ERMN: variants seen among roughly 807,000 people sequenced by gnomAD.
ERMN encodes the protein ermin.
ERMN carries 17 observed loss-of-function variants against 21.4 expected under a neutral mutation model. The observed-to-expected ratio is 0.80, with a 90% CI of 0.54 to 1.19. The LOEUF (loss-of-function observed/expected upper bound fraction) is 1.19, where lower values mean the gene tolerates loss of function less well. Ranked by LOEUF, ERMN falls within the 50% of genes most tolerant of loss-of-function variation. The pLI, the probability that ERMN is intolerant of heterozygous loss-of-function variation, is 0.00. For missense variants in ERMN, 348 were observed against 331.6 expected (o/e 1.05, Z -0.38); for synonymous variants, 115 against 111.9 (o/e 1.03, Z -0.17).
chr2:157,319,090 T>C lies in ERMN; in HGVS notation c.*2181A>G, dbSNP rs1683799427. 6.6e-6 allele frequency: 1 copy of C among 152,024 alleles called. No homozygotes were observed. The highest frequency in any genetic ancestry group is 1.5e-5 in the Non-Finnish European group (1 of 67,928). 9.4% of individuals were successfully genotyped at this position (152,024 alleles called of 1,614,324 possible). A position where few individuals can be genotyped will look rare whatever the true frequency, so the allele number is the denominator to read the frequency against. ...TGTTACCTGAGGTCACTTAACTCTG[T>C]GGCTTTCAACTCTGTGGCTTTCAAC... On this transcript the variant is annotated 3_prime_UTR_variant, in exon 3 of 3. Coordinates refer to ENST00000410096, the MANE Select transcript of ERMN (RefSeq NM_020711.3).
rs779979312 is a variant in ERMN, at chr2:157,319,238, A to G, written c.*2033T>C. The G allele has an allele frequency of 6.6e-6, 1 of 152,204 alleles. No individual in the cohort carries two copies. Among genetic ancestry groups the G allele is most frequent in the Non-Finnish European group, 1.5e-5 (1 of 68,026 alleles). The allele number at this position is 152,204 out of a possible 1,614,324, so 9.4% of individuals were successfully genotyped here. On this transcript the variant is annotated 3_prime_UTR_variant, in exon 3 of 3. Coordinates refer to ENST00000410096, the MANE Select transcript of ERMN (RefSeq NM_020711.3). ...AACATGAAGCATTTACCAACTAAAC[A>G]TACCCTAAAATAGTTTCTGTTGACT...
Position 157,324,676 on chromosome 2 carries a change from T to C in ERMN, c.328A>G (p.Arg110Gly), listed in dbSNP as rs368905907. Reference protein sequence around the residue: ...QETSADEMTFREGHQWEKIPL... With the variant: ...QETSADEMTFGEGHQWEKIPL... Reference sequence around the variant, plus strand: ...AAACTGTAGTTCTTGTTACCTTCTCTGAATGTCATTTCATCAGCACTAGTT... The same window carrying C: ...AAACTGTAGTTCTTGTTACCTTCTCCGAATGTCATTTCATCAGCACTAGTT... Residue 110 changes from arginine (R) to glycine (G), a missense_variant, in exon 2 of 3, where the codon AGA becomes GGA. Physicochemically the swap from Arg to Gly is moderately radical, Grantham distance 125. Transcript: ENST00000410096. The C allele has an allele frequency of 6.1e-5, 99 of 1,610,966 alleles. 1 individual carries two copies. In the African/African-American group the frequency reaches 1.2e-3, roughly 19 times the overall value.
chr2:157,327,415 C>A, upstream of ERMN: 1 of 774,198 alleles, frequency 1.3e-6, no homozygotes, highest in South Asian at 1.4e-5. Flanking sequence ...ACGCTCATAT[C>A]ACACTTATTA....
chr2:157,318,890 C>T lies in ERMN; in HGVS notation c.*2381G>A, dbSNP rs1349397565. 1 of 152,112 alleles carries T rather than the reference C, an allele frequency of 6.6e-6. No individual in the cohort carries two copies. Among genetic ancestry groups the T allele is most frequent in the African/African-American group, 2.4e-5 (1 of 41,434 alleles). The allele number at this position is 152,112 out of a possible 1,614,324, so 9.4% of individuals were successfully genotyped here. On this transcript the variant is annotated 3_prime_UTR_variant, in exon 3 of 3. Transcript: ENST00000410096. ...TTCCCTGGTACCAGAGTCCTTACCA[C>T]CCCTGAACTTTGAATCACAAAAGCT...
In ERMN at chr2:157,321,234, CT is replaced by C; in HGVS notation, c.*36del. Reference sequence around the variant, plus strand: ...CCTGGGGCAATAGAATTAGCTTTTCCTTTAGTGGGCATGAGAATTTCTCAGT... The same window carrying C: ...CCTGGGGCAATAGAATTAGCTTTTCCTTAGTGGGCATGAGAATTTCTCAGT... On this transcript the variant is annotated 3_prime_UTR_variant, in exon 3 of 3. Transcript: ENST00000410096. 1 of 1,583,822 alleles carries C rather than the reference CT, an allele frequency of 6.3e-7. No individual in the cohort carries two copies.
At chr2:157,322,249 C>T (rs967688940) in intron 2 of ERMN, among the ~76,000 whole-genome samples, 4 of 106,260 alleles carry the variant, frequency 3.8e-5, no homozygotes, top group Non-Finnish European at 7.1e-5. Context: ...CACACACGCA[C>T]ACACACACAC....
chr2:157,327,305 T>A (rs1574050878), upstream of ERMN: 1 of 593,256 alleles, frequency 1.7e-6, no homozygotes, highest in African/African-American at 1.9e-5. Context: ...TTGGAAGACA[T>A]CTCTAATAGA....
chr2:157,321,861 C>T (rs1291691026), intron 2 of ERMN, 70 bp from the exon 3 acceptor site: 1 of 1,342,148 alleles, frequency 7.5e-7, no homozygotes, highest in East Asian at 2.4e-5. Flanking sequence ...GTCTGTTATT[C>T]TCCAAATAAT....
upstream of ERMN, chr2:157,327,655 T>G (rs1684099717): frequency 1.7e-6 from 1 of 589,896 alleles, no homozygotes; most frequent in Middle Eastern, 2.6e-4. Context: ...AGATGTTTCC[T>G]TGGACCAGAG....
Position 157,321,107 on chromosome 2 carries a change from A to G in ERMN, c.*164T>C. 2 of 1,102,994 alleles carry G rather than the reference A, an allele frequency of 1.8e-6. No homozygotes were observed. Among genetic ancestry groups the G allele is most frequent in the South Asian group, 1.8e-5 (1 of 56,686 alleles). The allele number at this position is 1,102,994 out of a possible 1,614,324, so 68.3% of individuals were successfully genotyped here. A position where few individuals can be genotyped will look rare whatever the true frequency, so the allele number is the denominator to read the frequency against. ...TTTTGATTTGAGGTTATCAGACTGAATTTTTATCTAGGGTTATTTCCACAT... is the reference window on the plus strand; with the variant it reads ...TTTTGATTTGAGGTTATCAGACTGAGTTTTTATCTAGGGTTATTTCCACAT... On this transcript the variant is annotated 3_prime_UTR_variant, in exon 3 of 3. Transcript: ENST00000410096.
upstream of ERMN, chr2:157,327,648 T>A (rs990791272): frequency 3.3e-6 from 2 of 598,316 alleles, no homozygotes; most frequent in Admixed American, 5.6e-5. Context: ...TGTGTGCAGA[T>A]GTTTCCTTGG....
upstream of ERMN, chr2:157,327,453 A>G (rs1487963887): frequency 1.3e-6 from 1 of 780,074 alleles, no homozygotes; most frequent in South Asian, 1.3e-5. Flanking sequence ...TAATTGACTC[A>G]TAAATAGTAA....
Position 157,321,215 on chromosome 2 carries a change from G to C in ERMN, c.*56C>G. ...AAGGCATAGAAATATGCACCCTGGGGCAATAGAATTAGCTTTTCCTTTAGT... is the reference window on the plus strand; with the variant it reads ...AAGGCATAGAAATATGCACCCTGGGCCAATAGAATTAGCTTTTCCTTTAGT... On this transcript the variant is annotated 3_prime_UTR_variant, in exon 3 of 3. Coordinates refer to ENST00000410096, the MANE Select transcript of ERMN (RefSeq NM_020711.3). 6.4e-7 allele frequency: 1 copy of C among 1,560,308 alleles called. No individual in the cohort carries two copies. The highest frequency in any genetic ancestry group is 8.6e-7 in the Non-Finnish European group (1 of 1,158,000).
upstream of ERMN, among the ~76,000 whole-genome samples, chr2:157,326,575 A>G (rs945260110): frequency 1.3e-5 from 2 of 152,200 alleles, no homozygotes; most frequent in Admixed American, 6.5e-5. Context: ...TAGAGGACCA[A>G]TGCAATCTGC....
At position 157,325,402 on chromosome 2, in the gene ERMN, C is replaced by T; in HGVS notation, c.241G>A (p.Glu81Lys). ...ATTAAGGAGAAGGGAAACACTTTAC[C>T]TTTTAGCATTTTGTCCTCCATGGAT... ...NSSMEDKMLK[E>K]NPEEKLFIVH... is the part of the protein sequence containing the mutation. The change falls in exon 1 of 3, where the codon GAA becomes AAA. Residue 81 changes from glutamate to lysine, a missense_variant and splice_region_variant. By Grantham distance (56) the Glu-to-Lys change is moderately conservative. Transcript: ENST00000410096. 1.9e-6 allele frequency: 3 copies of T among 1,613,552 alleles called. No homozygotes were observed. Among genetic ancestry groups the T allele is most frequent in the Non-Finnish European group, 2.5e-6 (3 of 1,179,666 alleles).
At chr2:157,326,771 A>T (rs1327255003), upstream of ERMN, among the ~76,000 whole-genome samples, 6 of 152,040 alleles carry the variant, frequency 3.9e-5, no homozygotes, top group Admixed American at 6.5e-5. Context: ...AGCTTCCCTA[A>T]GTTCTGTTTT....
chr2:157,325,764 A>G lies in ERMN; in HGVS notation c.-122T>C. 4.5e-6 allele frequency: 7 copies of G among 1,556,742 alleles called. No homozygotes were observed. The highest frequency in any genetic ancestry group is 1.4e-5 in the African/African-American group (1 of 73,628). On this transcript the variant is annotated 5_prime_UTR_variant, in exon 1 of 3. Transcript: ENST00000410096. ...TTCCAACTCCTACTCTAAGAGCACA[A>G]ATTATTCACTTTAGTACATAATAAC...
At chr2:157,325,103 C>T (rs1397471664) in intron 1 of ERMN, 3 of 531,872 alleles carry the variant, frequency 5.6e-6, no homozygotes, top group South Asian at 1.6e-5. Context: ...ATAATAAATA[C>T]AGTAGTTAAC....
chr2:157,324,461 A>G (rs1441673320), intron 2 of ERMN, among the ~76,000 whole-genome samples: 1 of 152,234 alleles, frequency 6.6e-6, no homozygotes, highest in Non-Finnish European at 1.5e-5. Context: ...CATTCCATGC[A>G]GCCTCAGCCT....
Sources: allele counts gnomAD v4.1 joint callset (sites outside exome capture counted in the v4.1 genomes callset), GRCh38; gene constraint gnomAD v4.1.1; transcripts MANE v1.5; gene names NCBI Gene and HGNC (gene_info 2026-07-23, HGNC 2026-07-21).